The following CA10 variants were observed in gnomAD, a reference collection of about 807,000 sequenced individuals.
CA10 encodes the protein carbonic anhydrase 10 (inactive).
A neutral mutation model predicts 44.2 loss-of-function variants in CA10; 14 were observed. That is an observed-to-expected ratio of 0.32 (90% confidence interval 0.21 to 0.50). The LOEUF (loss-of-function observed/expected upper bound fraction) is 0.50. Among genes scored for constraint, CA10 ranks in the 20% least tolerant of loss-of-function variants. CA10 has a pLI of 0.99. For missense variants in CA10, 350 were observed against 409.7 expected (o/e 0.85, Z 1.26); for synonymous variants, 159 against 141.6 (o/e 1.12, Z -0.87).
chr17:51,707,546 GCAGAGTCTGCCATTATTCATCCACTTAC>G (rs1915798330), intron 4 of CA10, among the ~76,000 whole-genome samples: 1 of 152,148 alleles, frequency 6.6e-6, no homozygotes, highest in African/African-American at 2.4e-5. Flanking sequence ...GTAGGAAATG[GCAGAGTCTGCCATTATTCATCCACTTAC>G]CAGGGGAGGA....
At chr17:52,047,305 T>C (rs1986938857) in intron 2 of CA10, among the ~76,000 whole-genome samples, 1 of 152,008 alleles carries the variant, frequency 6.6e-6, no homozygotes, top group Non-Finnish European at 1.5e-5. Context: ...TCAGAGGAGT[T>C]CCTCTACTAC....
intron 2 of CA10, among the ~76,000 whole-genome samples, chr17:52,018,375 G>A (rs1986034541): frequency 6.6e-6 from 1 of 152,122 alleles, no homozygotes; most frequent in Non-Finnish European, 1.5e-5. Flanking sequence ...AAGCCATAGG[G>A]ACAGGCCAGC....
chr17:52,142,243 G>T (rs1001456458), intron 1 of CA10, among the ~76,000 whole-genome samples: 1 of 152,178 alleles, frequency 6.6e-6, no homozygotes, highest in African/African-American at 2.4e-5. Context: ...ACTTTCAACA[G>T]TGTGAACTCT....
At chr17:52,133,468 G>T (rs1343822681) in intron 1 of CA10, among the ~76,000 whole-genome samples, 2 of 152,016 alleles carry the variant, frequency 1.3e-5, no homozygotes, top group African/African-American at 4.8e-5. Context: ...GAAAACAGGA[G>T]ACTGGAAGAA....
intron 4 of CA10, among the ~76,000 whole-genome samples, chr17:51,689,739 CTCT>C (rs893729858): frequency 2.0e-5 from 3 of 152,138 alleles, no homozygotes; most frequent in African/African-American, 7.2e-5. Context: ...CCTTTTCTTT[CTCT>C]TTTTTCCCTC....
chr17:51,802,565 G>GAA (rs754344655), intron 3 of CA10, among the ~76,000 whole-genome samples: 1,778 of 90,522 alleles, frequency 0.02, 51 homozygotes, highest in African/African-American at 0.048. Context: ...CCTGATGTCT[G>GAA]AAAAAAAAAA....
chr17:51,811,754 ATG>A (rs1327271925), intron 3 of CA10, among the ~76,000 whole-genome samples: 2 of 152,198 alleles, frequency 1.3e-5, no homozygotes, highest in Non-Finnish European at 2.9e-5. Flanking sequence ...ATATGTGTGC[ATG>A]TGTCTTTATA....
chr17:52,127,893 G>A (rs12051546), intron 1 of CA10, among the ~76,000 whole-genome samples: 22,525 of 152,086 alleles, frequency 0.15, 1,897 homozygotes, highest in East Asian at 0.41. Context: ...ATCGTTCTTT[G>A]GAATTAATAA....
chr17:51,931,090 C>G lies in CA10; in HGVS notation c.179G>C (p.Cys60Ser). 1 of 1,613,526 alleles carries G rather than the reference C, an allele frequency of 6.2e-7. No individual in the cohort carries two copies. Among genetic ancestry groups the G allele is most frequent in the Non-Finnish European group, 8.5e-7 (1 of 1,179,646 alleles). Residue 60 changes from cysteine to serine, a missense_variant, in exon 3 of 9, where the codon TGC (cysteine) becomes TCC (serine). Physicochemically the swap from Cys to Ser is moderately radical, Grantham distance 112. Transcript: ENST00000451037. ...TGGCGACTGCCGTTTCCCCACAGAG[C>G]AAAGATTCCAAGCTGAGTTCACCAA... is the stretch of plus-strand genomic sequence containing the variant. ...WGLVNSAWNL[C>S]SVGKRQSPVN...
intron 3 of CA10, among the ~76,000 whole-genome samples, chr17:51,789,164 C>T (rs979633514): frequency 9.2e-5 from 14 of 152,054 alleles, no homozygotes; most frequent in Non-Finnish European, 1.0e-4. Context: ...TACAAGCGTG[C>T]GCCACCACAC....
chr17:51,890,701 C>T (rs991721159), intron 3 of CA10, among the ~76,000 whole-genome samples: 1 of 151,756 alleles, frequency 6.6e-6, no homozygotes, highest in Non-Finnish European at 1.5e-5. Flanking sequence ...GTTTCAAACC[C>T]GTAAAAAATA....
At chr17:51,930,192 C>G (rs1447462124) in intron 3 of CA10, among the ~76,000 whole-genome samples, 1 of 149,520 alleles carries the variant, frequency 6.7e-6, no homozygotes, top group Non-Finnish European at 1.5e-5. Flanking sequence ...TAATTTTAAC[C>G]TCAATTTTTT....
intron 2 of CA10, among the ~76,000 whole-genome samples, chr17:51,958,218 C>G (rs1046618606): frequency 1.3e-5 from 2 of 150,820 alleles, no homozygotes; most frequent in African/African-American, 4.9e-5. Context: ...AGAATTGCCT[C>G]AAATTCCATG....
chr17:51,857,765 G>C (rs1017075163), intron 3 of CA10, among the ~76,000 whole-genome samples: 3 of 152,128 alleles, frequency 2.0e-5, no homozygotes, highest in African/African-American at 4.8e-5. Context: ...AGAGACAGTG[G>C]ATGACACAAG....
At chr17:51,838,616 T>C (rs927550069) in intron 3 of CA10, among the ~76,000 whole-genome samples, 1 of 152,260 alleles carries the variant, frequency 6.6e-6, no homozygotes, top group African/African-American at 2.4e-5. Context: ...AATTATTTTA[T>C]GGAACGACTT....
intron 4 of CA10, among the ~76,000 whole-genome samples, chr17:51,723,684 C>T (rs1446225746): frequency 6.6e-6 from 1 of 152,200 alleles, no homozygotes; most frequent in African/African-American, 2.4e-5. Context: ...TTTTAGCCTA[C>T]TTGTCATTCA....
intron 4 of CA10, among the ~76,000 whole-genome samples, chr17:51,741,233 C>T (rs1424872701): frequency 6.6e-6 from 1 of 152,182 alleles, no homozygotes; most frequent in Non-Finnish European, 1.5e-5. Flanking sequence ...AAGTCTGTGC[C>T]TTGTCCTTCC....
rs116429648 is a variant in CA10 at position 51,757,356 on chromosome 17, C to T, written c.280-9538G>A. Among the ~76,000 whole-genome samples the T allele has an allele frequency of 6.4e-3, 974 of 152,292 alleles. 11 individuals carry two copies. Among genetic ancestry groups the T allele is most frequent in the African/African-American group, 0.022 (918 of 41,566 alleles). ...CATAGCAGACACACAGATTAGCAAA[C>T]TTAGGGGCGTATGGATTCTAAAGCT... On this transcript the variant is annotated intron_variant, in intron 3 of 8. Coordinates refer to ENST00000451037, the MANE Select transcript of CA10 (RefSeq NM_020178.5).
chr17:51,796,224 T>A lies in CA10; in HGVS notation c.280-48406A>T, dbSNP rs1310359278. On this transcript the variant is annotated intron_variant, in intron 3 of 8. Transcript: ENST00000451037. ...AGTCTGTGTTCCAATCCTGTTCTTTTTTTTTAGAGGCGACCACTGAGGCCC... is the reference window on the plus strand; with the variant it reads ...AGTCTGTGTTCCAATCCTGTTCTTTATTTTTAGAGGCGACCACTGAGGCCC... Among the ~76,000 whole-genome samples, 3 of 152,122 alleles carry A rather than the reference T, an allele frequency of 2.0e-5. No individual in the cohort carries two copies. In the East Asian group the frequency reaches 5.8e-4, roughly 29 times the overall value.
Sources: allele counts gnomAD v4.1 joint callset (sites outside exome capture counted in the v4.1 genomes callset), GRCh38; gene constraint gnomAD v4.1.1; transcripts MANE v1.5; gene names NCBI Gene and HGNC (gene_info 2026-07-23, HGNC 2026-07-21).